The following CACFD1 variants were observed in gnomAD, a reference collection of about 807,000 sequenced individuals.
CACFD1 encodes the protein calcium channel flower homolog.
CACFD1 carries 26 observed loss-of-function variants against 21.3 expected under a neutral mutation model. That is an observed-to-expected ratio of 1.22 (90% confidence interval 0.89 to 1.69). The LOEUF (loss-of-function observed/expected upper bound fraction) is 1.69, where lower values mean the gene tolerates loss of function less well. CACFD1 is among the 40% of genes most tolerant of loss of function. CACFD1 has a pLI of 0.00. For synonymous variants in CACFD1, 121 were observed against 106.6 expected, an observed-to-expected ratio of 1.13 and a Z score of -0.83; for missense variants, 265 against 236.2, an observed-to-expected ratio of 1.12 and a Z score of -0.80.
At chr9:133,461,970 C>T (rs953848294) in intron 1 of CACFD1, 1 of 985,378 alleles carries the variant, frequency 1.0e-6, no homozygotes, top group African/African-American at 1.7e-5. Flanking sequence ...CTAAGAGCAT[C>T]TGGAGGTGAT....
Position 133,470,578 on chromosome 9 carries a change from G to A in CACFD1, c.*1925G>A, listed in dbSNP as rs1475508092. On this transcript the variant is annotated 3_prime_UTR_variant, in exon 5 of 5. Coordinates refer to ENST00000316948, the MANE Select transcript of CACFD1 (RefSeq NM_017586.5). The stretch of plus-strand genomic sequence containing the variant: ...AGCAAGTCTGCAGCTGTGCAGTCCT[G>A]GGGTCCCTGACCCTGTCGCCCAGGG... 6.6e-6 allele frequency: 1 copy of A among 152,408 alleles called. No individual in the cohort carries two copies. Among genetic ancestry groups the A allele is most frequent in the Non-Finnish European group, 1.5e-5 (1 of 68,154 alleles). The allele number at this position is 152,408 out of a possible 1,614,324, so 9.4% of individuals were successfully genotyped here. A position where few individuals can be genotyped will look rare whatever the true frequency, so the allele number is the denominator to read the frequency against.
Position 133,468,746 on chromosome 9 carries a change from G to A in CACFD1, c.*93G>A. ...TGTCCACGCTGAGGCACAGCCTGGA[G>A]AGGGGCCTTTGCACGTGTCCCTACA... On this transcript the variant is annotated 3_prime_UTR_variant, in exon 5 of 5. Coordinates refer to ENST00000316948, the MANE Select transcript of CACFD1 (RefSeq NM_017586.5). 2.1e-6 allele frequency: 3 copies of A among 1,456,884 alleles called. No individual in the cohort carries two copies. Among genetic ancestry groups the A allele is most frequent in the Non-Finnish European group, 2.7e-6 (3 of 1,106,014 alleles). 90.2% of individuals were successfully genotyped at this position (1,456,884 alleles called of 1,614,324 possible). A position where few individuals can be genotyped will look rare whatever the true frequency, so the allele number is the denominator to read the frequency against.
intron 3 of CACFD1, 95 bp from the exon 4 acceptor site, chr9:133,467,826 T>G: frequency 1.2e-6 from 1 of 845,872 alleles, no homozygotes; most frequent in Non-Finnish European, 2.0e-6. Context: ...GTGCCCTGGG[T>G]GTCTAGGAAG....
At chr9:133,464,289 G>T (rs1554799108) in intron 2 of CACFD1, among the ~76,000 whole-genome samples, 1 of 152,186 alleles carries the variant, frequency 6.6e-6, no homozygotes. Flanking sequence ...GAGCCTCGGG[G>T]GCCTGCTGTG....
chr9:133,460,105 C>A lies in CACFD1; in HGVS notation c.39C>A (p.Ser13Arg). The A allele has an allele frequency of 1.3e-6, 2 of 1,563,752 alleles. No homozygotes were observed. Among genetic ancestry groups the A allele is most frequent in the East Asian group, 2.4e-5 (1 of 41,704 alleles). Reference protein sequence around the residue: ...SSGGAPGASASSAPPAQEEGM... With the variant: ...SSGGAPGASARSAPPAQEEGM... ...GTGGGGCGCCCGGGGCGTCCGCCAG[C>A]TCTGCGCCGCCCGCGCAGGAAGAGG... Residue 13 changes from serine (S) to arginine (R), a missense_variant, in exon 1 of 5, where the codon AGC (serine) becomes AGA (arginine). Coordinates refer to ENST00000316948, the MANE Select transcript of CACFD1 (RefSeq NM_017586.5).
chr9:133,460,163 C>T lies in CACFD1; in HGVS notation c.97C>T (p.Leu33=), dbSNP rs1554797982. ...MTWWYRWLCR[L]SGVLGAVSCA... ...GTGGTGGTACCGCTGGCTGTGTCGC[C>T]TGTCTGGGGTGCTGGGGGCAGTCTG... Residue 33 remains leucine (L), a synonymous_variant, in exon 1 of 5, where the codon CTG becomes TTG. Transcript: ENST00000316948. 5.1e-6 allele frequency: 8 copies of T among 1,557,222 alleles called. No homozygotes were observed. Among genetic ancestry groups the T allele is most frequent in the Admixed American group, 1.9e-5 (1 of 52,456 alleles).
In CACFD1 at chr9:133,469,069, GCAGGTGGAGCCC is replaced by G. The variant is rs1173464699; in HGVS notation, c.*421_*432del. 4.1e-5 allele frequency: 9 copies of G among 219,136 alleles called. No individual in the cohort carries two copies. In the East Asian group the frequency reaches 8.6e-4, roughly 21 times the overall value. 13.6% of individuals were successfully genotyped at this position (219,136 alleles called of 1,614,324 possible). On this transcript the variant is annotated 3_prime_UTR_variant, in exon 5 of 5. Transcript: ENST00000316948. The stretch of plus-strand genomic sequence containing the variant: ...AGAGGGACCTCCCCCAGCTCTCTTA[GCAGGTGGAGCCC>G]CAGGGCCTGGGACAGCCTGCCGCTG...
intron 1 of CACFD1, among the ~76,000 whole-genome samples, chr9:133,460,459 A>AGGGCGGGGGGGCGACGG (rs1843114287): frequency 1.4e-5 from 1 of 69,812 alleles, no homozygotes; most frequent in Non-Finnish European, 2.8e-5. Context: ...CAGAAACCCC[A>AGGGCGGGGGGGCGACGG]GGGCGGGGGG....
At position 133,468,683 on chromosome 9, in the gene CACFD1, C is replaced by T. The variant is rs781883183; in HGVS notation, c.*30C>T. ...CTGGGCGCCCCTCCCTCCCTGTCCC[C>T]TCTTCTGGCTCTGTGTGGGTCCAAG... is the stretch of plus-strand genomic sequence containing the variant. On this transcript the variant is annotated 3_prime_UTR_variant, in exon 5 of 5. Coordinates refer to ENST00000316948, the MANE Select transcript of CACFD1 (RefSeq NM_017586.5). 14 of 1,541,226 alleles carry T rather than the reference C, an allele frequency of 9.1e-6. No individual in the cohort carries two copies. The highest frequency in any genetic ancestry group is 5.9e-5 in the Admixed American group (3 of 50,728).
At position 133,470,098 on chromosome 9, in the gene CACFD1, C is replaced by T. The variant is rs782268891; in HGVS notation, c.*1445C>T. On this transcript the variant is annotated 3_prime_UTR_variant, in exon 5 of 5. Transcript: ENST00000316948. ...CCTGGGAGTCTGGCCAGCTGAGCCCCAGGGTGGCAGGGGCATTATAGCCTG... is the reference window on the plus strand; with the variant it reads ...CCTGGGAGTCTGGCCAGCTGAGCCCTAGGGTGGCAGGGGCATTATAGCCTG... 3 of 152,936 alleles carry T rather than the reference C, an allele frequency of 2.0e-5. No homozygotes were observed. The East Asian group carries it at 5.8e-4, about 29-fold the overall frequency. 9.5% of individuals were successfully genotyped at this position (152,936 alleles called of 1,614,324 possible). A position where few individuals can be genotyped will look rare whatever the true frequency, so the allele number is the denominator to read the frequency against.
In CACFD1 at chr9:133,470,036, G is replaced by A. The variant is rs1365991895; in HGVS notation, c.*1383G>A. ...CTGGGCCCTGCCCAGTACTGCCCTG[G>A]GGACTTGGTGGGCTCCTGGGTCAGC... is the stretch of plus-strand genomic sequence containing the variant. On this transcript the variant is annotated 3_prime_UTR_variant, in exon 5 of 5. Coordinates refer to ENST00000316948, the MANE Select transcript of CACFD1 (RefSeq NM_017586.5). The A allele has an allele frequency of 6.6e-6, 1 of 152,598 alleles. No homozygotes were observed. Among genetic ancestry groups the A allele is most frequent in the Non-Finnish European group, 1.5e-5 (1 of 68,108 alleles). 9.5% of individuals were successfully genotyped at this position (152,598 alleles called of 1,614,324 possible). A position where few individuals can be genotyped will look rare whatever the true frequency, so the allele number is the denominator to read the frequency against.
intron 1 of CACFD1, 120 bp downstream of exon 1, chr9:133,460,307 C>A: frequency 1.1e-6 from 1 of 941,826 alleles, no homozygotes; most frequent in South Asian, 2.6e-5. Flanking sequence ...GGGGGTCTGC[C>A]GGGCGCCTCC....
At chr9:133,467,603 CTG>C (rs1305302110) in intron 3 of CACFD1, among the ~76,000 whole-genome samples, 7 of 152,238 alleles carry the variant, frequency 4.6e-5, no homozygotes, top group Admixed American at 2.0e-4. Context: ...GCCAGATTCT[CTG>C]TCACAGGCTC....
intron 2 of CACFD1, among the ~76,000 whole-genome samples, chr9:133,463,987 G>A (rs1554799037): frequency 6.6e-6 from 1 of 152,242 alleles, no homozygotes; most frequent in Non-Finnish European, 1.5e-5. Flanking sequence ...TGCTGGGAGA[G>A]GGCACTCGAG....
intron 1 of CACFD1, 142 bp from the exon 2 acceptor site, chr9:133,463,341 G>C: frequency 5.3e-6 from 8 of 1,498,010 alleles, no homozygotes; most frequent in Non-Finnish European, 7.2e-6. Flanking sequence ...AGACGATAGA[G>C]GGCAGGCTTC....
In CACFD1 at chr9:133,465,386, AAC is replaced by A; in HGVS notation, c.263_264del (p.Thr88SerfsTer73). Reference sequence around the variant, plus strand: ...CTGCTGCCAGTTCATCGAGTTTGCAAACACAGTGGCGGAGAAGGTGGACCGGC... The same window carrying A: ...CTGCTGCCAGTTCATCGAGTTTGCAAACAGTGGCGGAGAAGGTGGACCGGC... ...PFCCQFIEFA[N>X]TVAEKVDRLR... On this transcript the variant is annotated frameshift_variant, in exon 3 of 5. Transcript: ENST00000316948. LOFTEE classifies it high-confidence loss of function. This position sits in a 1 kb window ranked among gnomAD's most constrained non-coding sequence, Gnocchi z 5.0. The A allele has an allele frequency of 1.9e-6, 3 of 1,614,036 alleles. No individual in the cohort carries two copies. The highest frequency in any genetic ancestry group is 2.5e-6 in the Non-Finnish European group (3 of 1,179,964).
chr9:133,467,279 C>T (rs1413821444), intron 3 of CACFD1, among the ~76,000 whole-genome samples: 3 of 152,172 alleles, frequency 2.0e-5, no homozygotes, highest in Non-Finnish European at 4.4e-5. Flanking sequence ...GAATCAGCCC[C>T]GGGGACGCTT....
In CACFD1 at chr9:133,470,380, C is replaced by G. The variant is rs1031947810; in HGVS notation, c.*1727C>G. On this transcript the variant is annotated 3_prime_UTR_variant, in exon 5 of 5. Transcript: ENST00000316948. ...TTCTGCCTGGCTTGCCTGCTTCTGC[C>G]CTTTCCAGAGGGGTCTCACTGACAG... is the stretch of plus-strand genomic sequence containing the variant. 3 of 152,620 alleles carry G rather than the reference C, an allele frequency of 2.0e-5. No individual in the cohort carries two copies. Among genetic ancestry groups the G allele is most frequent in the African/African-American group, 7.2e-5 (3 of 41,562 alleles). 9.5% of individuals were successfully genotyped at this position (152,620 alleles called of 1,614,324 possible). A position where few individuals can be genotyped will look rare whatever the true frequency, so the allele number is the denominator to read the frequency against.
chr9:133,468,566 C>T lies in CACFD1; in HGVS notation c.432C>T (p.Gly144=), dbSNP rs1054392190. 8.2e-6 allele frequency: 13 copies of T among 1,578,812 alleles called. No individual in the cohort carries two copies. Among genetic ancestry groups the T allele is most frequent in the African/African-American group, 1.3e-5 (1 of 74,656 alleles). The part of the protein sequence containing the change: ...LYGLSALGKK[G]DAISYARIQQ... Reference sequence around the variant, plus strand: ...CGCTGCCTCTCTCTCTCCCCAGGGGCGATGCGATCTCCTATGCCAGGATCC... The same window carrying T: ...CGCTGCCTCTCTCTCTCCCCAGGGGTGATGCGATCTCCTATGCCAGGATCC... Residue 144 remains glycine, a synonymous_variant, in exon 5 of 5, where the codon GGC becomes GGT. Coordinates refer to ENST00000316948, the MANE Select transcript of CACFD1 (RefSeq NM_017586.5).
Sources: allele counts gnomAD v4.1 joint callset (sites outside exome capture counted in the v4.1 genomes callset), GRCh38; gene constraint gnomAD v4.1.1; non-coding constraint Gnocchi (gnomAD v3.1); transcripts MANE v1.5; gene names NCBI Gene and HGNC (gene_info 2026-07-23, HGNC 2026-07-21).